NCAM2: variants seen among roughly 807,000 people sequenced by gnomAD.
The protein encoded by NCAM2 is N-CAM-2.
In NCAM2, 30 loss-of-function variants were observed where a neutral mutation model predicts 98.1. The observed-to-expected ratio is 0.31, with a 90% CI of 0.23 to 0.41. NCAM2 has a LOEUF of 0.41. Ranked by LOEUF, NCAM2 falls within the 10% of genes least tolerant of loss-of-function variation. NCAM2 has a pLI of 1.00. For synonymous variants in NCAM2, 368 were observed against 342.4 expected, an observed-to-expected ratio of 1.07 and a Z score of -0.83; for missense variants, 867 against 1,005.8, an observed-to-expected ratio of 0.86 and a Z score of 1.87.
At chr21:21,461,382 A>G (rs563895809) in intron 12 of NCAM2, among the ~76,000 whole-genome samples, 1 of 152,018 alleles carries the variant, frequency 6.6e-6, no homozygotes, top group Admixed American at 6.6e-5. Context: ...TCTCGCAGCA[A>G]TTAAACTCCA....
chr21:21,215,111 T>TA (rs374143876), intron 1 of NCAM2, among the ~76,000 whole-genome samples: 11 of 152,080 alleles, frequency 7.2e-5, no homozygotes, highest in Non-Finnish European at 1.2e-4. Context: ...ATCAAAGCCT[T>TA]AAAAAAATTG....
intron 1 of NCAM2, among the ~76,000 whole-genome samples, chr21:21,032,997 T>C (rs9305994): frequency 0.71 from 107,634 of 150,782 alleles, 38,840 homozygotes; most frequent in Admixed American, 0.79. Flanking sequence ...CAGGCTGGAG[T>C]GCAATGGTAT....
chr21:21,477,015 A>C (rs1985256704), intron 14 of NCAM2, among the ~76,000 whole-genome samples: 1 of 152,046 alleles, frequency 6.6e-6, no homozygotes, highest in Non-Finnish European at 1.5e-5. Context: ...GAAATAAAAA[A>C]AAAAATCCTA....
intron 1 of NCAM2, among the ~76,000 whole-genome samples, chr21:21,252,073 T>G (rs1949622881): frequency 6.6e-6 from 1 of 152,022 alleles, no homozygotes; most frequent in African/African-American, 2.4e-5. Context: ...AAGAAGACAT[T>G]ATGTGGCCAA....
intron 9 of NCAM2, among the ~76,000 whole-genome samples, chr21:21,408,971 T>A (rs1220087497): frequency 5.0e-5 from 6 of 118,966 alleles, no homozygotes; most frequent in South Asian, 2.4e-4. Context: ...TGGATATTGC[T>A]TTTTTAAGTA....
chr21:21,465,002 A>G (rs936396734), intron 12 of NCAM2, among the ~76,000 whole-genome samples: 6 of 152,230 alleles, frequency 3.9e-5, no homozygotes, highest in South Asian at 2.1e-4. Flanking sequence ...TGAGGCTTCA[A>G]TAAGGCAGTA....
rs1226079524 is a variant in NCAM2, at chr21:21,411,044, ATATGTG to A, written c.1383+585_1383+590del. Among the ~76,000 whole-genome samples the A allele has an allele frequency of 1.1e-4, 6 of 55,192 alleles. 2 individuals are homozygous for A. The Admixed American group carries it at 1.2e-3, about 11-fold the overall frequency. The allele number at this position is 55,192 out of a possible 152,430, so 36.2% of individuals were successfully genotyped here. On this transcript the variant is annotated intron_variant, in intron 10 of 17. Coordinates refer to ENST00000400546, the MANE Select transcript of NCAM2 (RefSeq NM_004540.5). The stretch of plus-strand genomic sequence containing the variant: ...TATATATATATATACACACATATAT[ATATGTG>A]TGTGTATATATATATATATACACAC...
At chr21:21,265,312 C>T (rs1347989082) in intron 1 of NCAM2, among the ~76,000 whole-genome samples, 13 of 123,156 alleles carry the variant, frequency 1.1e-4, no homozygotes, top group African/African-American at 3.0e-4. Flanking sequence ...TATACATACA[C>T]GTATATATAC....
chr21:21,312,882 A>G (rs1265319312), intron 5 of NCAM2, among the ~76,000 whole-genome samples: 1 of 151,852 alleles, frequency 6.6e-6, no homozygotes, highest in Non-Finnish European at 1.5e-5. Context: ...TTATCTTTAA[A>G]TAAATGTATT....
chr21:21,248,493 C>G (rs981818941), intron 1 of NCAM2, among the ~76,000 whole-genome samples: 3 of 151,872 alleles, frequency 2.0e-5, no homozygotes, highest in Non-Finnish European at 4.4e-5. Context: ...TGAAAAAAGT[C>G]CATTAAGATT....
intron 8 of NCAM2, among the ~76,000 whole-genome samples, chr21:21,356,373 T>C (rs1191662469): frequency 6.6e-6 from 1 of 152,114 alleles, no homozygotes; most frequent in Non-Finnish European, 1.5e-5. Context: ...CTTTATATTT[T>C]AAAAATTATT....
chr21:21,398,520 A>G (rs977025106), intron 9 of NCAM2, among the ~76,000 whole-genome samples: 2 of 152,240 alleles, frequency 1.3e-5, no homozygotes, highest in African/African-American at 4.8e-5. Flanking sequence ...AGGTTTAAGA[A>G]GAAGAGTTAA....
At chr21:21,507,680 C>T (rs1214703648) in intron 15 of NCAM2, among the ~76,000 whole-genome samples, 1 of 151,034 alleles carries the variant, frequency 6.6e-6, no homozygotes, top group South Asian at 2.1e-4. Context: ...GTCTCAGCTA[C>T]TCGGGAGGCT....
At chr21:21,070,570 G>A (rs1208852241) in intron 1 of NCAM2, among the ~76,000 whole-genome samples, 1 of 151,986 alleles carries the variant, frequency 6.6e-6, no homozygotes, top group Non-Finnish European at 1.5e-5. Context: ...TGAGTAGTTG[G>A]AGGCTAAAAG....
chr21:21,312,514 C>G (rs1343047051), intron 5 of NCAM2, among the ~76,000 whole-genome samples: 7 of 151,460 alleles, frequency 4.6e-5, no homozygotes, highest in Non-Finnish European at 7.4e-5. Context: ...CAACCTAACA[C>G]TTTAAAGAAA....
intron 1 of NCAM2, among the ~76,000 whole-genome samples, chr21:21,019,191 C>T (rs936245296): frequency 6.6e-6 from 1 of 152,152 alleles, no homozygotes; most frequent in Non-Finnish European, 1.5e-5. Context: ...GTGTTTTGTT[C>T]CCAGTTCTGT....
Position 21,275,993 on chromosome 21 carries a change from A to G in NCAM2, c.56-4585A>G, listed in dbSNP as rs371210878. On this transcript the variant is annotated intron_variant, in intron 1 of 17. Transcript: ENST00000400546. Reference sequence around the variant, plus strand: ...ATTCTAGATGAGATGGACCTTGTCTATACTGACCTACTAATTTCCTAAATG... The same window carrying G: ...ATTCTAGATGAGATGGACCTTGTCTGTACTGACCTACTAATTTCCTAAATG... Among the ~76,000 whole-genome samples, 6 of 152,164 alleles carry G rather than the reference A, an allele frequency of 3.9e-5. No homozygotes were observed. In the East Asian group the frequency reaches 1.2e-3, roughly 29 times the overall value.
At chr21:21,238,662 C>G (rs1215872647) in intron 1 of NCAM2, among the ~76,000 whole-genome samples, 1 of 152,058 alleles carries the variant, frequency 6.6e-6, no homozygotes, top group Admixed American at 6.6e-5. Flanking sequence ...TTAACTCAGG[C>G]CTACATCAGA....
intron 1 of NCAM2, among the ~76,000 whole-genome samples, chr21:21,078,264 C>A (rs1051684576): frequency 1.3e-5 from 2 of 152,082 alleles, no homozygotes; most frequent in African/African-American, 4.8e-5. Flanking sequence ...GTGCTTTAAT[C>A]ATGTAAAAAT....
Sources: allele counts gnomAD v4.1 joint callset (sites outside exome capture counted in the v4.1 genomes callset), GRCh38; gene constraint gnomAD v4.1.1; transcripts MANE v1.5; gene names NCBI Gene and HGNC (gene_info 2026-07-23, HGNC 2026-07-21).